Variants in DSCAML1 observed in about 807,000 individuals in gnomAD.
The protein encoded by DSCAML1 is DS cell adhesion molecule like 1.
Under a neutral mutation model 200.5 loss-of-function variants are expected in DSCAML1, and 38 were observed. The ratio of observed to expected loss-of-function variants is 0.19; its 90% confidence interval spans 0.15 to 0.25. The LOEUF is 0.25. Among genes scored for constraint, DSCAML1 ranks in the 10% least tolerant of loss-of-function variants. DSCAML1 has a pLI of 1.00. For missense variants in DSCAML1, 2,223 were observed against 2,858.8 expected (o/e 0.78, Z 5.07); for synonymous variants, 1,215 against 1,165.0 (o/e 1.04, Z -0.87).
Position 117,469,345 on chromosome 11 carries a change from G to A in DSCAML1, c.3024+565C>T, listed in dbSNP as rs2048641374. Among the ~76,000 whole-genome samples, 3 of 152,118 alleles carry A rather than the reference G, an allele frequency of 2.0e-5. No individual in the cohort carries two copies. The highest frequency in any genetic ancestry group is 3.2e-3 in the Middle Eastern group (1 of 316). On this transcript the variant is annotated intron_variant, in intron 16 of 32. Transcript: ENST00000651296. This position sits in a 1 kb window ranked among gnomAD's most constrained non-coding sequence, Gnocchi z 4.1. ...ATGCCCATTTCTGAGTCCTGCTCAA[G>A]GTCATTCTGTTCTGTTTCCCTGCCC...
rs1022337896 is a variant in DSCAML1, at chr11:117,463,539, G to A, written c.3265+1403C>T. The stretch of plus-strand genomic sequence containing the variant: ...CCAGGAGGTCTGCTTTGTGCTCAGG[G>A]CTGGGAACCAGGTGTTAGGGCACTG... On this transcript the variant is annotated intron_variant, in intron 17 of 32. Transcript: ENST00000651296. This position sits in a 1 kb window ranked among gnomAD's most constrained non-coding sequence, Gnocchi z 4.0. Among the ~76,000 whole-genome samples, 3 of 152,114 alleles carry A rather than the reference G, an allele frequency of 2.0e-5. 1 individual carries two copies. In the South Asian group the frequency reaches 6.2e-4, roughly 32 times the overall value.
At chr11:117,624,589 C>A (rs1315865488) in intron 3 of DSCAML1, among the ~76,000 whole-genome samples, 1 of 152,002 alleles carries the variant, frequency 6.6e-6, no homozygotes, top group African/African-American at 2.4e-5. Flanking sequence ...CACTCACATG[C>A]GCACTCGTGG....
intron 3 of DSCAML1, among the ~76,000 whole-genome samples, chr11:117,559,044 G>T (rs2050610075): frequency 6.6e-6 from 1 of 152,130 alleles, no homozygotes; most frequent in Non-Finnish European, 1.5e-5. Context: ...TAGGGAAAAG[G>T]GGAGGTTGGG....
rs923167047 is a variant in DSCAML1 at position 117,516,795 on chromosome 11, C to T, written c.1511-56G>A. The T allele has an allele frequency of 1.9e-6, 3 of 1,559,100 alleles. No homozygotes were observed. The highest frequency in any genetic ancestry group is 2.7e-5 in the African/African-American group (2 of 74,178). On this transcript the variant is annotated intron_variant, in intron 7 of 32. Transcript: ENST00000651296. This position sits in a 1 kb window ranked among gnomAD's most constrained non-coding sequence, Gnocchi z 5.7. Reference sequence around the variant, plus strand: ...GGAGAAGGGCATGTGCTGCTGTCAGCCAGGGACAGCCAGGCACCACCCTGC... The same window carrying T: ...GGAGAAGGGCATGTGCTGCTGTCAGTCAGGGACAGCCAGGCACCACCCTGC...
At chr11:117,620,854 C>T (rs916022803) in intron 3 of DSCAML1, among the ~76,000 whole-genome samples, 5 of 152,172 alleles carry the variant, frequency 3.3e-5, no homozygotes, top group Non-Finnish European at 7.3e-5. Context: ...TCAGTTTCCA[C>T]AGGTGCAAAA....
At chr11:117,559,114 AAAAG>A (rs899387241) in intron 3 of DSCAML1, among the ~76,000 whole-genome samples, 2 of 136,998 alleles carry the variant, frequency 1.5e-5, no homozygotes, top group South Asian at 2.4e-4. Context: ...GAAAAAAAGA[AAAAG>A]AAAGACAGAA....
intron 8 of DSCAML1, among the ~76,000 whole-genome samples, chr11:117,512,905 C>T (rs2049671860): frequency 1.3e-5 from 2 of 152,014 alleles, no homozygotes; most frequent in African/African-American, 4.8e-5. Context: ...CGGAATGCAT[C>T]AGATTCAATT....
intron 18 of DSCAML1, among the ~76,000 whole-genome samples, chr11:117,460,755 C>T (rs1469675565): frequency 6.6e-6 from 1 of 152,112 alleles, no homozygotes; most frequent in Admixed American, 6.5e-5. Context: ...ATTTCTCTAC[C>T]CCCCTGCTCC....
At chr11:117,552,604 A>G (rs962760556) in intron 3 of DSCAML1, among the ~76,000 whole-genome samples, 1 of 152,184 alleles carries the variant, frequency 6.6e-6, no homozygotes, top group Non-Finnish European at 1.5e-5. Context: ...TCTACTTCAC[A>G]GGGTCCTTGT....
At chr11:117,446,371 A>G (rs1054607147) in intron 20 of DSCAML1, among the ~76,000 whole-genome samples, 7 of 146,250 alleles carry the variant, frequency 4.8e-5, no homozygotes, top group African/African-American at 1.9e-4. Flanking sequence ...TCTCAAAACA[A>G]AAACAAAAAC....
intron 3 of DSCAML1, among the ~76,000 whole-genome samples, chr11:117,561,794 G>A (rs1038216468): frequency 3.9e-5 from 6 of 152,336 alleles, no homozygotes; most frequent in Middle Eastern, 3.4e-3. Context: ...CTGCATGAAC[G>A]GCATTGCAAC....
intron 3 of DSCAML1, among the ~76,000 whole-genome samples, chr11:117,627,755 T>C (rs967122939): frequency 3.9e-5 from 6 of 152,116 alleles, no homozygotes; most frequent in African/African-American, 1.4e-4. Context: ...AGACTGAGGC[T>C]GAATGCGGCT....
intron 3 of DSCAML1, among the ~76,000 whole-genome samples, chr11:117,583,442 C>A (rs880812): frequency 2.0e-5 from 3 of 151,946 alleles, no homozygotes; most frequent in Non-Finnish European, 4.4e-5. Flanking sequence ...CCGCAAGAAT[C>A]CCCTGCCCAT....
intron 3 of DSCAML1, among the ~76,000 whole-genome samples, chr11:117,620,891 A>G (rs1471323650): frequency 1.3e-5 from 2 of 152,242 alleles, no homozygotes; most frequent in Non-Finnish European, 2.9e-5. Flanking sequence ...TACTGTGTAG[A>G]AAAATTGTGA....
Position 117,430,266 on chromosome 11 carries a change from G to A in DSCAML1, c.5686+456C>T, listed in dbSNP as rs76813477. Among the ~76,000 whole-genome samples the A allele has an allele frequency of 5.7e-3, 861 of 152,264 alleles. 6 individuals are homozygous for A. Among genetic ancestry groups the A allele is most frequent in the South Asian group, 0.031 (148 of 4,822 alleles). ...TGGAGCTGCCAGGATTGTTTGTTTG[G>A]GTCTGGATTAAATTCAAACAGCATT... On this transcript the variant is annotated intron_variant, in intron 32 of 32. Transcript: ENST00000651296.
chr11:117,681,095 G>A (rs78462423), intron 3 of DSCAML1, among the ~76,000 whole-genome samples: 5,108 of 152,208 alleles, frequency 0.034, 139 homozygotes, highest in African/African-American at 0.078. Context: ...CCAGCTGTCT[G>A]GGTCCCAGGG....
intron 3 of DSCAML1, among the ~76,000 whole-genome samples, chr11:117,714,253 G>C (rs762884412): frequency 3.3e-5 from 5 of 152,192 alleles, no homozygotes; most frequent in Non-Finnish European, 7.3e-5. Flanking sequence ...TATAGCTTCA[G>C]TATTTCTTGG....
chr11:117,459,291 G>A lies in DSCAML1; in HGVS notation c.3413-382C>T, dbSNP rs1207159990. Among the ~76,000 whole-genome samples the A allele has an allele frequency of 2.0e-5, 3 of 152,348 alleles. 1 individual carries two copies. The highest frequency in any genetic ancestry group is 1.3e-4 in the Admixed American group (2 of 15,306). On this transcript the variant is annotated intron_variant, in intron 18 of 32. Transcript: ENST00000651296. ...CAGAGTGGCTTGGACCTGGATGGAG[G>A]AGGTCCCGTGCAGGAGGCACAGCTC...
At chr11:117,487,679 A>G (rs570540246) in intron 11 of DSCAML1, among the ~76,000 whole-genome samples, 1 of 152,290 alleles carries the variant, frequency 6.6e-6, no homozygotes, top group African/African-American at 2.4e-5. Context: ...TGGGGACCCT[A>G]TTTGACGAAG....
Sources: gnomAD v4.1 joint callset for allele counts (sites outside exome capture counted in the v4.1 genomes callset) on GRCh38, gnomAD v4.1.1 for gene constraint, Gnocchi (gnomAD v3.1) non-coding constraint, MANE v1.5 for transcripts, NCBI Gene and HGNC (gene_info 2026-07-23, HGNC 2026-07-21) for gene names.